Variants in ABL1 observed in about 807,000 individuals in gnomAD.
The protein encoded by ABL1 is tyrosine-protein kinase ABL1.
Under a neutral mutation model 94.7 loss-of-function variants are expected in ABL1, and 11 were observed. The observed-to-expected ratio is 0.12, with a 90% CI of 0.07 to 0.19. The LOEUF (loss-of-function observed/expected upper bound fraction) is 0.19. Among genes scored for constraint, ABL1 ranks in the 10% least tolerant of loss-of-function variants. The pLI is 1.00. For synonymous variants in ABL1, 656 were observed against 622.4 expected (o/e 1.05, Z -0.80); for missense variants, 1,082 against 1,489.4 (o/e 0.73, Z 4.50).
chr9:130,861,665 T>C (rs951500104), intron 3 of ABL1, among the ~76,000 whole-genome samples: 2 of 152,202 alleles, frequency 1.3e-5, no homozygotes, highest in African/African-American at 4.8e-5. Context: ...ATCTGCTCCT[T>C]CTTCCCACAT....
chr9:130,753,886 A>G (rs1321148702), intron 1 of ABL1, among the ~76,000 whole-genome samples: 1 of 152,108 alleles, frequency 6.6e-6, no homozygotes, highest in African/African-American at 2.4e-5. Context: ...GAGAAGCCTA[A>G]GGGAAGATGT....
chr9:130,795,461 A>G (rs1829962466), intron 1 of ABL1, among the ~76,000 whole-genome samples: 1 of 152,198 alleles, frequency 6.6e-6, no homozygotes, highest in Admixed American at 6.5e-5. Flanking sequence ...CTTCTGCTTG[A>G]AGTCATCACA....
At chr9:130,813,154 G>T (rs1830232473) in intron 1 of ABL1, among the ~76,000 whole-genome samples, 1 of 152,074 alleles carries the variant, frequency 6.6e-6, no homozygotes, top group Non-Finnish European at 1.5e-5. Context: ...GGCAGAGGTT[G>T]CAGTGAGCCG....
At chr9:130,853,975 A>C in intron 1 of ABL1, 89 bp from the exon 2 acceptor site, 2 of 1,357,060 alleles carry the variant, frequency 1.5e-6, no homozygotes, top group Non-Finnish European at 2.0e-6. Flanking sequence ...TTGGAAACAC[A>C]AATATTTTTG....
chr9:130,741,300 G>A (rs1259395964), intron 1 of ABL1, among the ~76,000 whole-genome samples: 11 of 152,036 alleles, frequency 7.2e-5, no homozygotes, highest in Non-Finnish European at 1.3e-4. Flanking sequence ...TTACCATGCC[G>A]GAGTAACAGT....
intron 1 of ABL1, among the ~76,000 whole-genome samples, chr9:130,793,575 C>G (rs989030641): frequency 1.3e-5 from 2 of 152,126 alleles, no homozygotes; most frequent in Admixed American, 1.3e-4. Flanking sequence ...CAAGCTGTGT[C>G]GTACATTTTG....
At chr9:130,816,898 T>C (rs934490045) in intron 1 of ABL1, among the ~76,000 whole-genome samples, 1 of 152,106 alleles carries the variant, frequency 6.6e-6, no homozygotes, top group Non-Finnish European at 1.5e-5. Flanking sequence ...GAGGCAGGGT[T>C]TCACCATCTT....
chr9:130,769,025 G>C (rs1005341641), intron 1 of ABL1, among the ~76,000 whole-genome samples: 2 of 152,142 alleles, frequency 1.3e-5, no homozygotes, highest in African/African-American at 4.8e-5. Context: ...TTTGAGAGTG[G>C]AATGGATCGG....
chr9:130,735,961 A>ATATATTTTTTTTTT (rs573602038), intron 1 of ABL1, among the ~76,000 whole-genome samples: 22 of 94,834 alleles, frequency 2.3e-4, no homozygotes, highest in African/African-American at 1.3e-3. Flanking sequence ...ATATATATAT[A>ATATATTTTTTTTTT]TTTTTTTTTT....
rs553262690 is a variant in ABL1, at chr9:130,722,923, A to G, written c.136+8468A>G. 6.6e-5 allele frequency among the ~76,000 whole-genome samples: 10 copies of G among 152,324 alleles called. No homozygotes were observed. In the East Asian group the frequency reaches 1.9e-3, roughly 29 times the overall value. The stretch of plus-strand genomic sequence containing the variant: ...ATCATTTTGTATCAGTTCAGGACAG[A>G]ACCGTGCTTGTGCTTCAGATCTCCA... On this transcript the variant is annotated intron_variant, in intron 1 of 10. Transcript: ENST00000372348.
At chr9:130,765,427 C>T (rs771347625) in intron 1 of ABL1, among the ~76,000 whole-genome samples, 4 of 152,184 alleles carry the variant, frequency 2.6e-5, no homozygotes, top group Non-Finnish European at 5.9e-5. Context: ...TTTCCCTAAG[C>T]CTCAAATGCT....
chr9:130,858,823 G>C (rs1214664785), intron 3 of ABL1, among the ~76,000 whole-genome samples: 1 of 152,168 alleles, frequency 6.6e-6, no homozygotes, highest in East Asian at 1.9e-4. Context: ...AGATTCTTCT[G>C]TAAGGCCCCA....
intron 1 of ABL1, among the ~76,000 whole-genome samples, chr9:130,767,112 A>G (rs947379626): frequency 1.3e-5 from 2 of 152,076 alleles, no homozygotes; most frequent in African/African-American, 4.8e-5. Flanking sequence ...CCCAGCTCAC[A>G]TGACATCTTT....
chr9:130,742,642 A>C (rs1831834288), intron 1 of ABL1, among the ~76,000 whole-genome samples: 1 of 152,180 alleles, frequency 6.6e-6, no homozygotes, highest in African/African-American at 2.4e-5. Context: ...CTAAAGTGCA[A>C]ATCTAAGTTT....
At chr9:130,804,650 T>C (rs1195539923) in intron 1 of ABL1, among the ~76,000 whole-genome samples, 4 of 152,222 alleles carry the variant, frequency 2.6e-5, no homozygotes, top group Non-Finnish European at 5.9e-5. Context: ...TTTCTTTCAA[T>C]TAAACAGTTT....
At chr9:130,832,474 A>G (rs1166396109), upstream of ABL1, among the ~76,000 whole-genome samples, 3 of 152,132 alleles carry the variant, frequency 2.0e-5, no homozygotes, top group African/African-American at 7.2e-5. Context: ...ATTTTCTGCC[A>G]TTTTACAAAG....
At position 130,880,681 on chromosome 9, in the gene ABL1, C is replaced by T; in HGVS notation, c.1678+17C>T. 2 of 1,611,444 alleles carry T rather than the reference C, an allele frequency of 1.2e-6. No homozygotes were observed. Among genetic ancestry groups the T allele is most frequent in the South Asian group, 2.2e-5 (2 of 90,956 alleles). On this transcript the variant is annotated intron_variant, in intron 10 of 10. Transcript: ENST00000318560. The surrounding 1 kb of genome is among the most constrained non-coding windows in gnomAD (Gnocchi z 4.4). ...GAGAGAGCGGTAAGTCCCCCGCTTC[C>T]CCCAACCCCACTGCTCTTCCCTTCC...
chr9:130,812,016 G>A (rs539555553), intron 1 of ABL1, among the ~76,000 whole-genome samples: 3 of 150,986 alleles, frequency 2.0e-5, no homozygotes, highest in South Asian at 4.2e-4. Context: ...GAGCAGATGG[G>A]ACAAATATGA....
chr9:130,867,998 C>T (rs1242807482), intron 4 of ABL1, among the ~76,000 whole-genome samples: 29 of 149,994 alleles, frequency 1.9e-4, no homozygotes, highest in Non-Finnish European at 4.0e-4. Flanking sequence ...CTCACTCTGT[C>T]ACCCAGGCTG....
Sources: allele counts gnomAD v4.1 joint callset (sites outside exome capture counted in the v4.1 genomes callset), GRCh38; gene constraint gnomAD v4.1.1; non-coding constraint Gnocchi (gnomAD v3.1); transcripts MANE v1.5; gene names NCBI Gene and HGNC (gene_info 2026-07-23, HGNC 2026-07-21).